IPO5: variants seen among roughly 807,000 people sequenced by gnomAD.
The protein encoded by IPO5 is importin-5.
A neutral mutation model predicts 143.3 loss-of-function variants in IPO5; 18 were observed. The ratio of observed to expected loss-of-function variants is 0.13; its 90% CI spans 0.09 to 0.19. The LOEUF (loss-of-function observed/expected upper bound fraction) is 0.19. Ranked by LOEUF, IPO5 falls within the 10% of genes least tolerant of loss-of-function variation. IPO5 has a pLI of 1.00. For missense variants in IPO5, 1,013 were observed against 1,336.9 expected (o/e 0.76, Z 3.78); for synonymous variants, 477 against 465.7 (o/e 1.02, Z -0.31).
chr13:98,004,137 A>G (rs1331770736), intron 16 of IPO5, among the ~76,000 whole-genome samples: 2 of 152,256 alleles, frequency 1.3e-5, no homozygotes, highest in African/African-American at 4.8e-5. Flanking sequence ...TGAAATGAAT[A>G]GAAGGCATAG....
Position 97,993,019 on chromosome 13 carries a change from AT to A in IPO5, c.792+7del. On this transcript the variant is annotated splice_donor_region_variant and intron_variant, in intron 10 of 28. Transcript: ENST00000651721. ...ACTCTACAGCTAAGTCTAAAGGTAAATTAAGTACGTTAGTAAACGTTCTGTT... is the reference window on the plus strand; with the variant it reads ...ACTCTACAGCTAAGTCTAAAGGTAAATAAGTACGTTAGTAAACGTTCTGTT... 6.2e-7 allele frequency: 1 copy of A among 1,612,618 alleles called. No individual in the cohort carries two copies.
At chr13:97,959,811 T>C (rs1884725788) in intron 2 of IPO5, among the ~76,000 whole-genome samples, 1 of 152,172 alleles carries the variant, frequency 6.6e-6, no homozygotes, top group Non-Finnish European at 1.5e-5. Context: ...ATCTTCTTTT[T>C]TCACCTATAA....
chr13:98,009,838 C>G, intron 18 of IPO5, 43 bp from the exon 19 acceptor site: 1 of 1,434,606 alleles, frequency 7.0e-7, no homozygotes, highest in Non-Finnish European at 9.5e-7. Flanking sequence ...TCACGTTTAC[C>G]CATTGTTTTT....
At chr13:97,993,292 G>A in intron 11 of IPO5, 67 bp downstream of exon 11, 1 of 1,333,700 alleles carries the variant, frequency 7.5e-7, no homozygotes, top group Non-Finnish European at 1.1e-6. Context: ...TTTGCTGAGG[G>A]TTGTGTGATT....
chr13:97,959,789 C>T (rs549415409), intron 2 of IPO5, among the ~76,000 whole-genome samples: 3 of 152,080 alleles, frequency 2.0e-5, no homozygotes, highest in East Asian at 1.9e-4. Context: ...TCCAGTCATT[C>T]GTGATCCCAT....
chr13:98,015,494 A>G, intron 22 of IPO5, 36 bp from the exon 23 acceptor site: 1 of 1,278,524 alleles, frequency 7.8e-7, no homozygotes, highest in Non-Finnish European at 1.1e-6. Flanking sequence ...AACACCCCAA[A>G]TCTTATGGAT....
chr13:97,987,798 C>T (rs537834239), intron 6 of IPO5, among the ~76,000 whole-genome samples: 1 of 152,336 alleles, frequency 6.6e-6, no homozygotes, highest in African/African-American at 2.4e-5. Context: ...CCACAGCGCC[C>T]AGCCCTAATT....
chr13:97,969,169 A>ATTTT (rs1566454631), intron 2 of IPO5, among the ~76,000 whole-genome samples: 7 of 72,302 alleles, frequency 9.7e-5, no homozygotes, highest in African/African-American at 5.2e-4. Context: ...ATATATATAT[A>ATTTT]TATATATTTT....
chr13:98,016,381 G>C (rs1027376315), intron 24 of IPO5, among the ~76,000 whole-genome samples: 1 of 151,772 alleles, frequency 6.6e-6, no homozygotes, highest in African/African-American at 2.4e-5. Flanking sequence ...GGATTATTCT[G>C]CTGAAAACAA....
intron 3 of IPO5, among the ~76,000 whole-genome samples, chr13:97,973,882 T>C (rs752365190): frequency 2.5e-4 from 38 of 151,756 alleles, no homozygotes; most frequent in Non-Finnish European, 3.7e-4. Context: ...CCAGCCTGGG[T>C]AACAGGAAGA....
intron 4 of IPO5, among the ~76,000 whole-genome samples, chr13:97,980,318 G>C (rs1425437098): frequency 6.6e-6 from 1 of 152,152 alleles, no homozygotes; most frequent in African/African-American, 2.4e-5. Flanking sequence ...CACATGGAGA[G>C]AACCCTCTCT....
chr13:98,021,916 C>T lies in IPO5; in HGVS notation c.*94C>T, dbSNP rs74108124. ...TGTTTTGTTTTTGAGCAAAAGAGAT[C>T]GGTAGTGTTGTGTGTAGGCCATTCT... On this transcript the variant is annotated 3_prime_UTR_variant, in exon 29 of 29. Coordinates refer to ENST00000651721, the MANE Select transcript of IPO5 (RefSeq NM_002271.6). 7 of 811,688 alleles carry T rather than the reference C, an allele frequency of 8.6e-6. No homozygotes were observed. The highest frequency in any genetic ancestry group is 1.7e-5 in the African/African-American group (1 of 59,202). The allele number at this position is 811,688 out of a possible 1,614,324, so 50.3% of individuals were successfully genotyped here.
At chr13:98,019,507 A>G in intron 26 of IPO5, 74 bp from the exon 27 acceptor site, 2 of 1,012,414 alleles carry the variant, frequency 2.0e-6, no homozygotes, top group Non-Finnish European at 3.0e-6. Context: ...TCTGAACCAA[A>G]TACAAAAATA....
At chr13:97,970,345 G>T (rs980995517) in intron 3 of IPO5, among the ~76,000 whole-genome samples, 1 of 152,064 alleles carries the variant, frequency 6.6e-6, no homozygotes, top group African/African-American at 2.4e-5. Flanking sequence ...CTCAGGCCAG[G>T]CTCAGTGGCT....
At chr13:97,967,002 C>T (rs773727272) in intron 2 of IPO5, among the ~76,000 whole-genome samples, 1 of 152,078 alleles carries the variant, frequency 6.6e-6, no homozygotes, top group Non-Finnish European at 1.5e-5. Flanking sequence ...CGCCACTGCA[C>T]TCCAGCCTGG....
chr13:98,015,776 G>C lies in IPO5; in HGVS notation c.2488G>C (p.Asp830His). 6.2e-7 allele frequency: 1 copy of C among 1,603,886 alleles called. No individual in the cohort carries two copies. The highest frequency in any genetic ancestry group is 1.1e-5 in the South Asian group (1 of 89,790). The change falls in exon 24 of 29, where the codon GAT becomes CAT. Residue 830 changes from aspartate (D) to histidine (H), a missense_variant. Coordinates refer to ENST00000651721, the MANE Select transcript of IPO5 (RefSeq NM_002271.6). ...YDEQVEESLQ[D>H]EDDNDVYILT... is the part of the protein sequence containing the mutation. Reference sequence around the variant, plus strand: ...TGAACAGGTCGAAGAGTCACTACAAGATGAGGTAAGTTATTCCCTTTGGAA... The same window carrying C: ...TGAACAGGTCGAAGAGTCACTACAACATGAGGTAAGTTATTCCCTTTGGAA...
intron 7 of IPO5, among the ~76,000 whole-genome samples, 159 bp from the exon 8 acceptor site, chr13:97,989,966 CA>C (rs1195732968): frequency 6.6e-6 from 1 of 152,118 alleles, no homozygotes; most frequent in Non-Finnish European, 1.5e-5. Context: ...TCACTTAACC[CA>C]AAAACAGGAT....
At chr13:98,016,390 A>G (rs1890124100) in intron 24 of IPO5, among the ~76,000 whole-genome samples, 1 of 152,184 alleles carries the variant, frequency 6.6e-6, no homozygotes, top group Admixed American at 6.5e-5. Context: ...TGCTGAAAAC[A>G]AAGTAAAAAT....
At chr13:98,004,891 T>TTTTA (rs149732418) in intron 16 of IPO5, among the ~76,000 whole-genome samples, 37 of 151,768 alleles carry the variant, frequency 2.4e-4, no homozygotes, top group African/African-American at 6.3e-4. Flanking sequence ...TTTTATTTTA[T>TTTTA]TTTATTTATT....
Sources: allele counts gnomAD v4.1 joint callset (sites outside exome capture counted in the v4.1 genomes callset), GRCh38; gene constraint gnomAD v4.1.1; transcripts MANE v1.5; gene names NCBI Gene and HGNC (gene_info 2026-07-23, HGNC 2026-07-21).